MFSD11: variants seen among roughly 807,000 people sequenced by gnomAD.
The protein encoded by MFSD11 is major facilitator superfamily domain containing 11, also known as UNC93-like protein MFSD11.
Under a neutral mutation model 53.5 loss-of-function variants are expected in MFSD11, and 36 were observed. The observed-to-expected ratio is 0.67, with a 90% CI of 0.52 to 0.89. The LOEUF (loss-of-function observed/expected upper bound fraction) is 0.89, where lower values mean the gene tolerates loss of function less well. Ranked by LOEUF, MFSD11 falls within the 40% of genes least tolerant of loss-of-function variation. MFSD11 has a pLI of 0.00. For synonymous variants in MFSD11, 186 were observed against 184.9 expected (o/e 1.01, Z -0.05); for missense variants, 530 against 543.9 (o/e 0.97, Z 0.25).
the MFSD11 span, among the ~76,000 whole-genome samples, chr17:76,800,744 A>G: frequency 6.6e-6 from 1 of 152,156 alleles, no homozygotes; most frequent in Non-Finnish European, 1.5e-5. Flanking sequence ...TTCAGTGTAG[A>G]GGGTATACTT....
the MFSD11 span, among the ~76,000 whole-genome samples, chr17:76,793,482 T>C: frequency 6.6e-6 from 1 of 151,562 alleles, no homozygotes; most frequent in African/African-American, 2.4e-5. Flanking sequence ...TGTTATCCTG[T>C]TCTTTTTTCA....
At chr17:76,796,822 A>G in the MFSD11 span, among the ~76,000 whole-genome samples, 1 of 150,200 alleles carries the variant, frequency 6.7e-6, no homozygotes, top group African/African-American at 2.4e-5. Flanking sequence ...AAAAAAAAAA[A>G]AAAAAAAATT....
At chr17:76,764,920 A>G (rs1476091459) in intron 8 of MFSD11, among the ~76,000 whole-genome samples, 3 of 152,182 alleles carry the variant, frequency 2.0e-5, no homozygotes, top group Non-Finnish European at 4.4e-5. Context: ...CCACATCCTC[A>G]CCAACACTTG....
At chr17:76,736,716 G>C (rs1377851002), upstream of MFSD11, 7 of 1,347,364 alleles carry the variant, frequency 5.2e-6, no homozygotes, top group Non-Finnish European at 5.7e-6. Flanking sequence ...CGCACCACGT[G>C]CTTCGCCGCG....
chr17:76,790,072 T>G, the MFSD11 span, among the ~76,000 whole-genome samples: 1 of 147,914 alleles, frequency 6.8e-6, no homozygotes, highest in African/African-American at 2.5e-5. Context: ...TCACATTTCT[T>G]TTCTTTTTTT....
the MFSD11 span, among the ~76,000 whole-genome samples, chr17:76,788,045 C>T: frequency 6.1e-5 from 9 of 148,030 alleles, no homozygotes; most frequent in African/African-American, 7.5e-5. Context: ...GACAGAGTCT[C>T]ACTCTGTCAC....
At chr17:76,752,369 T>C in intron 7 of MFSD11, among the ~76,000 whole-genome samples, 1 of 152,070 alleles carries the variant, frequency 6.6e-6, no homozygotes, top group East Asian at 1.9e-4. Context: ...GTTTCGGCAG[T>C]AGTCTTGGTA....
In MFSD11 at chr17:76,778,326, C is replaced by T. The variant is rs907380122; in HGVS notation, c.1324C>T (p.Arg442Cys). ...ATGGGAAGCTGCCGCCTTTGTAGCC[C>T]GCGGCTCTGACTACCGAAGTATCTG... Reference protein sequence around the residue: ...VEWEAAAFVARGSDYRSI With the variant: ...VEWEAAAFVACGSDYRSI Residue 442 changes from arginine (R) to cysteine (C), a missense_variant, in exon 13 of 13, where the codon CGC becomes TGC. Coordinates refer to ENST00000685175, the MANE Select transcript of MFSD11 (RefSeq NM_001242532.5). 11 of 1,614,002 alleles carry T rather than the reference C, an allele frequency of 6.8e-6. No individual in the cohort carries two copies. The highest frequency in any genetic ancestry group is 1.3e-5 in the African/African-American group (1 of 74,902).
At chr17:76,752,806 T>G (rs2079178069) in intron 7 of MFSD11, 1 of 152,178 alleles carries the variant, frequency 6.6e-6, no homozygotes, top group Non-Finnish European at 1.5e-5. Context: ...GCCTTGGTAA[T>G]CTTCCTGAGG....
upstream of MFSD11, chr17:76,736,746 G>C (rs907056127): frequency 7.3e-5 from 101 of 1,391,932 alleles, no homozygotes; most frequent in Middle Eastern, 2.6e-4. Flanking sequence ...GAGGTCGCCC[G>C]GGCCTCCCGC....
At chr17:76,783,309 C>T (rs2082217890), downstream of MFSD11, among the ~76,000 whole-genome samples, 1 of 151,888 alleles carries the variant, frequency 6.6e-6, no homozygotes, top group Non-Finnish European at 1.5e-5. Flanking sequence ...GTGGATGTCC[C>T]GCTCTTTTAT....
intron 7 of MFSD11, chr17:76,745,331 C>T (rs1362949100): frequency 6.6e-6 from 1 of 152,224 alleles, no homozygotes; most frequent in East Asian, 1.9e-4. Context: ...AGAAGCAAGG[C>T]AGCGCTTTGG....
chr17:76,756,200 G>T (rs553234876), intron 8 of MFSD11, among the ~76,000 whole-genome samples: 13 of 146,442 alleles, frequency 8.9e-5, no homozygotes, highest in African/African-American at 3.3e-4. Context: ...TTGGCTCACT[G>T]CAACCTCTGC....
At chr17:76,774,966 T>C (rs762574636) in intron 10 of MFSD11, 31 bp from the exon 11 acceptor site, 2 of 1,603,772 alleles carry the variant, frequency 1.2e-6, no homozygotes, top group Non-Finnish European at 1.7e-6. Context: ...TTCGGCAACA[T>C]TAGTGACGTT....
the MFSD11 span, among the ~76,000 whole-genome samples, chr17:76,802,670 G>T: frequency 1.3e-5 from 2 of 152,164 alleles, no homozygotes; most frequent in South Asian, 2.1e-4. Flanking sequence ...CTTAAGGTCA[G>T]GAGTTCAAGA....
At chr17:76,766,348 G>T (rs1368451021) in intron 8 of MFSD11, among the ~76,000 whole-genome samples, 1 of 151,120 alleles carries the variant, frequency 6.6e-6, no homozygotes, top group East Asian at 1.9e-4. Flanking sequence ...GAACCCTAGA[G>T]GGGGAGGCTG....
chr17:76,785,982 C>T (rs116353060), downstream of MFSD11, among the ~76,000 whole-genome samples: 7,323 of 147,726 alleles, frequency 0.05, 629 homozygotes, highest in African/African-American at 0.17. Context: ...GGCTGAGGCA[C>T]GAGCATCACT....
At position 76,748,718 on chromosome 17, in the gene MFSD11, C is replaced by T. The variant is rs1387863403; in HGVS notation, c.641+4252C>T. Among the ~76,000 whole-genome samples the T allele has an allele frequency of 1.9e-4, 8 of 42,884 alleles. No individual in the cohort carries two copies. The South Asian group carries it at 7.1e-3, about 38-fold the overall frequency. The allele number at this position is 42,884 out of a possible 152,430, so 28.1% of individuals were successfully genotyped here. ...AAAAATCTGTCCTCTATCTCAAGTG[C>T]GTAATTTGCATCTCTGAGGACTTAT... On this transcript the variant is annotated intron_variant, in intron 7 of 12. Coordinates refer to ENST00000685175, the MANE Select transcript of MFSD11 (RefSeq NM_001242532.5).
At chr17:76,800,140 G>GAC in the MFSD11 span, among the ~76,000 whole-genome samples, 101,743 of 150,614 alleles carry the variant, frequency 0.68, 35,079 homozygotes, top group Middle Eastern at 0.78. Flanking sequence ...ATTTTTAGTA[G>GAC]AGACGGGTTT....
Sources: allele counts gnomAD v4.1 joint callset (sites outside exome capture counted in the v4.1 genomes callset), GRCh38; gene constraint gnomAD v4.1.1; transcripts MANE v1.5; gene names NCBI Gene and HGNC (gene_info 2026-07-23, HGNC 2026-07-21).